CHD8: variants seen among roughly 807,000 people sequenced by gnomAD.
CHD8 encodes chromodomain helicase DNA binding protein 8, also known as ATP-dependent chromatin remodeler CHD8.
Under a neutral mutation model 279.2 loss-of-function variants are expected in CHD8, and 31 were observed. The observed-to-expected ratio is 0.11, with a 90% CI of 0.08 to 0.15. The LOEUF is 0.15. Among genes scored for constraint, CHD8 ranks in the 10% least tolerant of loss-of-function variants. The pLI is 1.00. For synonymous variants in CHD8, 1,081 were observed against 1,139.6 expected (o/e 0.95, Z 1.04); for missense variants, 2,146 against 3,230.5 (o/e 0.66, Z 8.14).
intron 1 of CHD8, among the ~76,000 whole-genome samples, chr14:21,435,882 A>T (rs1889761711): frequency 6.6e-6 from 1 of 152,232 alleles, no homozygotes; most frequent in Admixed American, 6.5e-5. Flanking sequence ...AGTTACCAGT[A>T]TCTTTGGGAT....
chr14:21,421,010 C>T (rs1454633368), intron 5 of CHD8, among the ~76,000 whole-genome samples: 3 of 152,198 alleles, frequency 2.0e-5, no homozygotes, highest in Non-Finnish European at 4.4e-5. Context: ...GATCCACCTG[C>T]CTCGGCCTCC....
Position 21,392,644 on chromosome 14 carries a change from G to T in CHD8, c.6634C>A (p.Pro2212Thr), listed in dbSNP as rs747368212. The T allele has an allele frequency of 6.2e-7, 1 of 1,613,866 alleles. No individual in the cohort carries two copies. The highest frequency in any genetic ancestry group is 1.3e-5 in the African/African-American group (1 of 74,918). ...SLTPGEYGDS[P>T]VPTPRSSSAA... is the part of the protein sequence containing the mutation. ...CTACTACTTCGTGGTGTGGGGACTG[G>T]AGAGTCACCATATTCTCCAGGAGTC... is the stretch of plus-strand genomic sequence containing the variant. Residue 2212 changes from proline to threonine, a missense_variant, in exon 34 of 38, where the codon CCA becomes ACA. Coordinates refer to ENST00000646647, the MANE Select transcript of CHD8 (RefSeq NM_001170629.2).
chr14:21,424,481 G>GT (rs1555317622), intron 5 of CHD8, among the ~76,000 whole-genome samples: 9 of 150,462 alleles, frequency 6.0e-5, no homozygotes, highest in Admixed American at 2.6e-4. Context: ...GTTTTGTTTT[G>GT]TTTTTTTGAG....
chr14:21,405,571 T>C lies in CHD8; in HGVS notation c.3052-107A>G. On this transcript the variant is annotated intron_variant, in intron 15 of 37. Coordinates refer to ENST00000646647, the MANE Select transcript of CHD8 (RefSeq NM_001170629.2). This position sits in a 1 kb window ranked among gnomAD's most constrained non-coding sequence, Gnocchi z 4.2. ...AGAGTTTTCCACTATCTAAGAAATG[T>C]ATACTTTGGATGATGCCACAAATGA... The C allele has an allele frequency of 6.7e-7, 1 of 1,493,940 alleles. No homozygotes were observed. The highest frequency in any genetic ancestry group is 9.0e-7 in the Non-Finnish European group (1 of 1,105,738). The allele number at this position is 1,493,940 out of a possible 1,614,324, so 92.5% of individuals were successfully genotyped here.
chr14:21,405,676 A>G lies in CHD8; in HGVS notation c.3051+45T>C. The G allele has an allele frequency of 6.2e-7, 1 of 1,603,540 alleles. No homozygotes were observed. ...CAGATGTCTGCCTTGTACAAACTTC[A>G]CCTTCTTTGTCCTGAGTTAGTACCT... is the stretch of plus-strand genomic sequence containing the variant. On this transcript the variant is annotated intron_variant, in intron 15 of 37. Transcript: ENST00000646647. The surrounding 1 kb of genome is among the most constrained non-coding windows in gnomAD (Gnocchi z 4.2).
Position 21,431,551 on chromosome 14 carries a change from G to C in CHD8, c.93C>G (p.Asp31Glu). 1.3e-6 allele frequency: 2 copies of C among 1,537,182 alleles called. No individual in the cohort carries two copies. The highest frequency in any genetic ancestry group is 1.7e-6 in the Non-Finnish European group (2 of 1,146,896). ...TDDSFNQVTQDPIEEALGLPS... is the reference protein window; with the variant it reads ...TDDSFNQVTQEPIEEALGLPS... ...GCAGTCCAAGGGCTTCCTCAATGGG[G>C]TCTTGTGTGACCTGGTTAAAGCTGT... The change falls in exon 2 of 38, where the codon GAC (aspartate) becomes GAG (glutamate). Residue 31 changes from aspartate to glutamate, a missense_variant. Transcript: ENST00000646647.
intron 5 of CHD8, among the ~76,000 whole-genome samples, chr14:21,418,597 T>C (rs550604089): frequency 3.5e-4 from 54 of 152,216 alleles, no homozygotes; most frequent in Non-Finnish European, 6.0e-4. Flanking sequence ...GGGCATATCA[T>C]GAGGTCAGGA....
In CHD8 at chr14:21,428,248, A is replaced by G. The variant is rs768739550; in HGVS notation, c.1222T>C (p.Ser408Pro). ...AGCCCAGAAGAGGCCCCTTGGGAAG[A>G]GCCAGCCTATAGAAACAAAGATACT... is the stretch of plus-strand genomic sequence containing the variant. The part of the protein sequence containing the change: ...VKVVLQPQAG[S>P]SQGASSGLSV... The change falls in exon 4 of 38, where the codon TCT (serine) becomes CCT (proline). Residue 408 changes from serine (S) to proline (P), a missense_variant. Coordinates refer to ENST00000646647, the MANE Select transcript of CHD8 (RefSeq NM_001170629.2). The G allele has an allele frequency of 1.2e-6, 2 of 1,613,520 alleles. No homozygotes were observed. The highest frequency in any genetic ancestry group is 1.7e-6 in the Non-Finnish European group (2 of 1,179,612).
At chr14:21,419,137 CTTT>C (rs1888893161) in intron 5 of CHD8, among the ~76,000 whole-genome samples, 2 of 152,290 alleles carry the variant, frequency 1.3e-5, no homozygotes, top group South Asian at 4.1e-4. Flanking sequence ...ATACTTTCTA[CTTT>C]TTACTTAATA....
At chr14:21,443,780 C>T (rs1275281926) in intron 1 of CHD8, among the ~76,000 whole-genome samples, 1 of 139,962 alleles carries the variant, frequency 7.1e-6, no homozygotes, top group Non-Finnish European at 1.5e-5. Flanking sequence ...GGCGTGAACC[C>T]GGGAGGCGCA....
In CHD8 at chr14:21,386,023, T is replaced by C. The variant is rs1887212270; in HGVS notation, c.7336A>G (p.Thr2446Ala). The C allele has an allele frequency of 6.3e-7, 1 of 1,596,554 alleles. No homozygotes were observed. The highest frequency in any genetic ancestry group is 8.5e-7 in the Non-Finnish European group (1 of 1,171,412). The change falls in exon 38 of 38, where the codon ACG becomes GCG. Residue 2446 changes from threonine to alanine, a missense_variant. By Grantham distance (58) the Thr-to-Ala change is moderately conservative. Transcript: ENST00000646647. ...AGGCCACTACTGCTGTGTTGGAACGTGTTATGCAGAGATAGAGACCCAGTG... is the reference window on the plus strand; with the variant it reads ...AGGCCACTACTGCTGTGTTGGAACGCGTTATGCAGAGATAGAGACCCAGTG... ...GSTGSLSLHN[T>A]FQHSSSGLQS...
In CHD8 at chr14:21,392,487, T is replaced by G. The variant is rs774726221; in HGVS notation, c.6771+20A>C. On this transcript the variant is annotated intron_variant, in intron 34 of 37. Transcript: ENST00000646647. ...TCCAGCCTCCTTCCCCACTTCCCAA[T>G]GCCCAAATGCTGAGCTTACATCTTT... The G allele has an allele frequency of 6.3e-7, 1 of 1,598,472 alleles. No individual in the cohort carries two copies. The highest frequency in any genetic ancestry group is 8.5e-7 in the Non-Finnish European group (1 of 1,170,942).
rs1888353432 is a variant in CHD8, at chr14:21,408,651, T to C, written c.2486+53A>G. 1.8e-5 allele frequency: 28 copies of C among 1,575,872 alleles called. No individual in the cohort carries two copies. The South Asian group carries it at 2.8e-4, about 16-fold the overall frequency. On this transcript the variant is annotated intron_variant, in intron 12 of 37. Transcript: ENST00000646647. This position sits in a 1 kb window ranked among gnomAD's most constrained non-coding sequence, Gnocchi z 4.3. Reference sequence around the variant, plus strand: ...AGAAATTGTTTCAATAGAAAACAAATAAAAATAATCCCAGAACTAAGCTTA... The same window carrying C: ...AGAAATTGTTTCAATAGAAAACAAACAAAAATAATCCCAGAACTAAGCTTA...
intron 1 of CHD8, among the ~76,000 whole-genome samples, chr14:21,447,757 TC>T (rs983070772): frequency 1.3e-5 from 2 of 151,748 alleles, no homozygotes; most frequent in African/African-American, 4.8e-5. Flanking sequence ...ATTTTTTTTT[TC>T]CCAGTAAACC....
At chr14:21,412,332 G>A (rs778576967) in intron 10 of CHD8, among the ~76,000 whole-genome samples, 5 of 152,026 alleles carry the variant, frequency 3.3e-5, no homozygotes, top group Non-Finnish European at 7.4e-5. Context: ...TTTTAGTAGA[G>A]ACGGGGTTTC....
At chr14:21,390,649 G>T (rs1270245997) in intron 37 of CHD8, among the ~76,000 whole-genome samples, 1 of 151,828 alleles carries the variant, frequency 6.6e-6, no homozygotes, top group South Asian at 2.1e-4. Flanking sequence ...GCGGTGGCAG[G>T]TGCCTGTAAT....
chr14:21,392,272 A>G (rs1887581242), intron 34 of CHD8: 2 of 754,558 alleles, frequency 2.7e-6, no homozygotes, highest in South Asian at 2.9e-5. Flanking sequence ...TGCTATTCCT[A>G]AGCATACTAA....
intron 5 of CHD8, among the ~76,000 whole-genome samples, chr14:21,421,288 A>G (rs1402318480): frequency 2.6e-5 from 4 of 151,968 alleles, no homozygotes; most frequent in Admixed American, 6.6e-5. Context: ...CATACTTTAA[A>G]CATTAAAGAG....
At chr14:21,389,836 C>T (rs1024151819) in intron 37 of CHD8, among the ~76,000 whole-genome samples, 16 of 152,086 alleles carry the variant, frequency 1.1e-4, no homozygotes, top group African/African-American at 3.9e-4. Flanking sequence ...TCTGCTTTTT[C>T]CATTACTGAC....
Sources: gnomAD v4.1 joint callset for allele counts (sites outside exome capture counted in the v4.1 genomes callset) on GRCh38, gnomAD v4.1.1 for gene constraint, Gnocchi (gnomAD v3.1) non-coding constraint, MANE v1.5 for transcripts, NCBI Gene and HGNC (gene_info 2026-07-23, HGNC 2026-07-21) for gene names.